MCTP1: variants seen among roughly 807,000 people sequenced by gnomAD.
MCTP1 encodes the protein multiple C2 and transmembrane domain containing 1.
MCTP1 carries 69 observed loss-of-function variants against 120.6 expected under a neutral mutation model. The observed-to-expected ratio is 0.57, with a 90% CI of 0.47 to 0.70. MCTP1 has a LOEUF of 0.70. Among genes scored for constraint, MCTP1 ranks in the 30% least tolerant of loss-of-function variants. MCTP1 has a pLI of 0.00. For synonymous variants in MCTP1, 529 were observed against 493.1 expected, an observed-to-expected ratio of 1.07 and a Z score of -0.96; for missense variants, 1,203 against 1,248.8, an observed-to-expected ratio of 0.96 and a Z score of 0.55.
intron 1 of MCTP1, among the ~76,000 whole-genome samples, chr5:95,246,629 G>A (rs540992849): frequency 6.6e-6 from 1 of 152,242 alleles, no homozygotes; most frequent in South Asian, 2.1e-4. Context: ...AAATATATAT[G>A]CACCCAATAC....
intron 19 of MCTP1, among the ~76,000 whole-genome samples, chr5:94,735,542 G>T (rs187007232): frequency 6.6e-6 from 1 of 151,952 alleles, no homozygotes; most frequent in Non-Finnish European, 1.5e-5. Context: ...CTCCTAAAGC[G>T]CTGGGATTAT....
intron 1 of MCTP1, among the ~76,000 whole-genome samples, chr5:95,127,431 G>T (rs1410695056): frequency 6.6e-6 from 1 of 152,152 alleles, no homozygotes; most frequent in Non-Finnish European, 1.5e-5. Flanking sequence ...GGGCTCCTTA[G>T]TCCTTCTGCT....
chr5:95,207,928 C>T (rs866500526), intron 1 of MCTP1, among the ~76,000 whole-genome samples: 8 of 84,648 alleles, frequency 9.5e-5, no homozygotes, highest in Middle Eastern at 6.7e-3. Context: ...AATGAGCGGG[C>T]GAGAGAGAGA....
At chr5:94,979,071 A>T (rs1214251375) in intron 2 of MCTP1, 3 of 152,062 alleles carry the variant, frequency 2.0e-5, no homozygotes, top group African/African-American at 7.2e-5. Flanking sequence ...CATAGAGGAC[A>T]ATGAATAAGA....
At chr5:95,109,935 C>T (rs1757340489) in intron 1 of MCTP1, among the ~76,000 whole-genome samples, 1 of 151,982 alleles carries the variant, frequency 6.6e-6, no homozygotes, top group South Asian at 2.1e-4. Flanking sequence ...CATGGAATAC[C>T]CAACAGAACA....
intron 2 of MCTP1, among the ~76,000 whole-genome samples, chr5:94,970,353 T>C (rs1250508199): frequency 2.0e-5 from 3 of 152,046 alleles, no homozygotes; most frequent in Non-Finnish European, 2.9e-5. Context: ...GGGATATATA[T>C]GTATGGATGT....
Position 95,083,278 on chromosome 5 carries a change from T to A in MCTP1, c.721-65794A>T, listed in dbSNP as rs542222889. Among the ~76,000 whole-genome samples, 16 of 152,340 alleles carry A rather than the reference T, an allele frequency of 1.1e-4. No individual in the cohort carries two copies. The East Asian group carries it at 3.1e-3, about 29-fold the overall frequency. On this transcript the variant is annotated intron_variant, in intron 1 of 22. Coordinates refer to ENST00000515393, the MANE Select transcript of MCTP1 (RefSeq NM_024717.7). ...CTTGAATTGAGAAATTGTCCACTTT[T>A]TAGAATATTAATGATCTTCCATGTA...
chr5:95,119,461 T>A (rs1758048770), intron 1 of MCTP1, among the ~76,000 whole-genome samples: 1 of 152,110 alleles, frequency 6.6e-6, no homozygotes, highest in African/African-American at 2.4e-5. Context: ...TAACAATGCA[T>A]CTTTAAAAGT....
At chr5:94,797,480 C>T (rs1780346336) in intron 18 of MCTP1, among the ~76,000 whole-genome samples, 1 of 152,120 alleles carries the variant, frequency 6.6e-6, no homozygotes, top group Non-Finnish European at 1.5e-5. Context: ...AGAAAACATC[C>T]TGAATTAATT....
chr5:95,039,698 C>A (rs1841980806), intron 1 of MCTP1, among the ~76,000 whole-genome samples: 1 of 151,868 alleles, frequency 6.6e-6, no homozygotes, highest in Non-Finnish European at 1.5e-5. Context: ...AATGTGAAAG[C>A]AGGATCTGCT....
chr5:95,241,873 A>G (rs1056537066), intron 1 of MCTP1, among the ~76,000 whole-genome samples: 2 of 152,236 alleles, frequency 1.3e-5, no homozygotes, highest in South Asian at 4.1e-4. Flanking sequence ...AAAGCAAAAT[A>G]GTCTGAAAAG....
chr5:94,770,704 A>G (rs1260784836), intron 19 of MCTP1, among the ~76,000 whole-genome samples: 3 of 152,262 alleles, frequency 2.0e-5, no homozygotes, highest in Non-Finnish European at 4.4e-5. Flanking sequence ...CGGAATCACT[A>G]GAAAACTCTT....
intron 17 of MCTP1, among the ~76,000 whole-genome samples, chr5:94,813,755 G>A (rs957918572): frequency 1.3e-5 from 2 of 151,966 alleles, no homozygotes; most frequent in African/African-American, 2.4e-5. Context: ...GGGAGGGGTG[G>A]CGCACACCTG....
intron 1 of MCTP1, among the ~76,000 whole-genome samples, chr5:95,031,753 G>A (rs1240369108): frequency 6.6e-6 from 1 of 152,014 alleles, no homozygotes; most frequent in Non-Finnish European, 1.5e-5. Context: ...CATTAACCTT[G>A]AACATAAACA....
chr5:95,206,682 G>C (rs1038771276), intron 1 of MCTP1, among the ~76,000 whole-genome samples: 1 of 152,026 alleles, frequency 6.6e-6, no homozygotes, highest in African/African-American at 2.4e-5. Flanking sequence ...CTTCAGGCGT[G>C]TGCCACCACC....
intron 3 of MCTP1, among the ~76,000 whole-genome samples, chr5:94,948,150 T>C (rs569326956): frequency 3.9e-5 from 6 of 152,264 alleles, no homozygotes; most frequent in African/African-American, 1.2e-4. Context: ...CCTTAGCAAT[T>C]AGCCATCTTT....
intron 1 of MCTP1, among the ~76,000 whole-genome samples, chr5:95,167,495 C>A (rs1746570532): frequency 6.6e-6 from 1 of 152,204 alleles, no homozygotes. Flanking sequence ...CTGACTTCCA[C>A]AATGGTCAAA....
At chr5:95,032,430 G>C (rs1036236647) in intron 1 of MCTP1, among the ~76,000 whole-genome samples, 12 of 152,032 alleles carry the variant, frequency 7.9e-5, no homozygotes, top group African/African-American at 2.9e-4. Context: ...TAAATATCAA[G>C]AGGAACTCTC....
intron 1 of MCTP1, among the ~76,000 whole-genome samples, chr5:95,216,968 T>C (rs1303461806): frequency 6.6e-6 from 1 of 152,212 alleles, no homozygotes; most frequent in East Asian, 1.9e-4. Flanking sequence ...GTTTTTCACT[T>C]GGCATTTTTA....
Sources: allele counts gnomAD v4.1 joint callset (sites outside exome capture counted in the v4.1 genomes callset), GRCh38; gene constraint gnomAD v4.1.1; transcripts MANE v1.5; gene names NCBI Gene and HGNC (gene_info 2026-07-23, HGNC 2026-07-21).